Variants in KIAA2012 observed in about 807,000 individuals in gnomAD.
KIAA2012 encodes KIAA2012, also known as uncharacterized protein KIAA2012.
KIAA2012 carries 125 observed loss-of-function variants against 150.6 expected under a neutral mutation model. The ratio of observed to expected loss-of-function variants is 0.83; its 90% confidence interval spans 0.72 to 0.96. The LOEUF is 0.96. Among genes scored for constraint, KIAA2012 ranks in the 40% least tolerant of loss-of-function variants. The pLI is 0.00. For synonymous variants in KIAA2012, 462 were observed against 504.7 expected, an observed-to-expected ratio of 0.92 and a Z score of 1.13; for missense variants, 1,219 against 1,354.9, an observed-to-expected ratio of 0.90 and a Z score of 1.57.
At chr2:202,085,348 G>T (rs750525791) in intron 2 of KIAA2012, among the ~76,000 whole-genome samples, 6 of 152,142 alleles carry the variant, frequency 3.9e-5, no homozygotes, top group Non-Finnish European at 4.4e-5. Flanking sequence ...CTCGAAATGG[G>T]GATATTATCT....
intron 14 of KIAA2012, among the ~76,000 whole-genome samples, chr2:202,155,691 G>A (rs377401507): frequency 3.0e-4 from 46 of 152,332 alleles, no homozygotes; most frequent in African/African-American, 1.1e-3. Context: ...GCATGATGGT[G>A]GCTCTATCTA....
At chr2:202,150,290 C>G (rs2105950157) in intron 13 of KIAA2012, among the ~76,000 whole-genome samples, 2 of 152,284 alleles carry the variant, frequency 1.3e-5, no homozygotes, top group South Asian at 2.1e-4. Context: ...GAAAGGCTTC[C>G]AGGTGTTTTT....
intron 12 of KIAA2012, among the ~76,000 whole-genome samples, chr2:202,128,438 GGT>G (rs779739860): frequency 0.029 from 3,123 of 106,542 alleles, 43 homozygotes; most frequent in Non-Finnish European, 0.036. Context: ...TCTTTTTGGG[GGT>G]TTTTTTTTTT....
chr2:202,176,581 C>T (rs1413328073), intron 15 of KIAA2012, among the ~76,000 whole-genome samples: 3 of 152,170 alleles, frequency 2.0e-5, no homozygotes, highest in African/African-American at 7.2e-5. Flanking sequence ...AAGGAGATAC[C>T]TGCAATGCAT....
chr2:202,182,805 T>C (rs969728211), intron 15 of KIAA2012, among the ~76,000 whole-genome samples: 4 of 152,220 alleles, frequency 2.6e-5, no homozygotes, highest in Admixed American at 2.6e-4. Context: ...AGAGTTCCAG[T>C]TCCTCCACAT....
chr2:202,113,670 G>C (rs1690441714), intron 11 of KIAA2012: 3 of 526,172 alleles, frequency 5.7e-6, no homozygotes. Context: ...GGAGAGAGAA[G>C]TTCCAGTGGA....
chr2:202,163,781 A>ATTTTT (rs902559663), intron 14 of KIAA2012, among the ~76,000 whole-genome samples: 5 of 106,384 alleles, frequency 4.7e-5, no homozygotes, highest in Non-Finnish European at 7.5e-5. Flanking sequence ...TATTCAGGGA[A>ATTTTT]TTTTTTTTTT....
intron 8 of KIAA2012, among the ~76,000 whole-genome samples, chr2:202,105,501 G>C (rs1042752376): frequency 1.3e-5 from 2 of 152,166 alleles, no homozygotes; most frequent in East Asian, 1.9e-4. Context: ...CCTCTTAAAA[G>C]CTCTTGCAAA....
chr2:202,163,368 C>G (rs1348723168), intron 14 of KIAA2012, among the ~76,000 whole-genome samples: 3 of 152,134 alleles, frequency 2.0e-5, no homozygotes, highest in Non-Finnish European at 4.4e-5. Flanking sequence ...TCCCAAAGTG[C>G]TGGGATTACA....
chr2:202,189,295 CTT>C (rs767226517), intron 18 of KIAA2012, among the ~76,000 whole-genome samples: 11 of 143,294 alleles, frequency 7.7e-5, no homozygotes, highest in Admixed American at 1.4e-4. Context: ...GAAATAGAAC[CTT>C]TTTTTTTTTT....
intron 13 of KIAA2012, among the ~76,000 whole-genome samples, chr2:202,153,370 T>C (rs1691466957): frequency 6.6e-6 from 1 of 152,132 alleles, no homozygotes; most frequent in Non-Finnish European, 1.5e-5. Context: ...ACTTGAAAGA[T>C]GAAGAAGAGT....
At chr2:202,187,148 A>G (rs1272160048) in intron 17 of KIAA2012, 50 bp downstream of exon 17, 9 of 1,506,734 alleles carry the variant, frequency 6.0e-6, no homozygotes, top group Non-Finnish European at 8.1e-6. Context: ...CTTGGATCTC[A>G]TCAAGGATAC....
intron 3 of KIAA2012, among the ~76,000 whole-genome samples, chr2:202,091,274 A>C (rs910646440): frequency 1.3e-5 from 2 of 152,206 alleles, no homozygotes; most frequent in African/African-American, 2.4e-5. Flanking sequence ...AAGGAAGAAG[A>C]AGCCCAGAGA....
At position 202,130,120 on chromosome 2, in the gene KIAA2012, G is replaced by A. The variant is rs562904034; in HGVS notation, c.1831+4838G>A. Reference sequence around the variant, plus strand: ...AAAGCTGACTGCTGGGACTCGTGATGGAAGTAAGAGAAAGTGAAGTGGTCT... The same window carrying A: ...AAAGCTGACTGCTGGGACTCGTGATAGAAGTAAGAGAAAGTGAAGTGGTCT... On this transcript the variant is annotated intron_variant, in intron 12 of 23. Coordinates refer to ENST00000498697, the MANE Select transcript of KIAA2012 (RefSeq NM_001277372.4). Among the ~76,000 whole-genome samples, 7 of 152,316 alleles carry A rather than the reference G, an allele frequency of 4.6e-5. No individual in the cohort carries two copies. The South Asian group carries it at 1.5e-3, about 32-fold the overall frequency.
intron 4 of KIAA2012, among the ~76,000 whole-genome samples, chr2:202,096,498 G>A (rs1473313127): frequency 6.6e-6 from 1 of 152,214 alleles, no homozygotes; most frequent in Non-Finnish European, 1.5e-5. Flanking sequence ...AGAGCTGGAG[G>A]GAGGGAGTAG....
intron 12 of KIAA2012, among the ~76,000 whole-genome samples, chr2:202,127,005 C>T (rs1366700078): frequency 6.6e-6 from 1 of 152,066 alleles, no homozygotes; most frequent in South Asian, 2.1e-4. Flanking sequence ...GTCCAACCTC[C>T]GTTTCCCCCT....
At chr2:202,182,452 T>G (rs988677062) in intron 15 of KIAA2012, among the ~76,000 whole-genome samples, 1 of 152,134 alleles carries the variant, frequency 6.6e-6, no homozygotes, top group Non-Finnish European at 1.5e-5. Context: ...TCACTCAACA[T>G]AATTATTTTG....
Position 202,153,871 on chromosome 2 carries a change from A to G in KIAA2012, c.1909-802A>G, listed in dbSNP as rs552285394. Among the ~76,000 whole-genome samples the G allele has an allele frequency of 3.0e-4, 45 of 152,354 alleles. 2 individuals are homozygous for G. In the South Asian group the frequency reaches 8.7e-3, roughly 29 times the overall value. On this transcript the variant is annotated intron_variant, in intron 13 of 23. Transcript: ENST00000498697. ...ATCCAGGGCCAGGCAGGAAGGGCTT[A>G]TAAACCTTGTAAGCCAGTTGGCCTT...
intron 13 of KIAA2012, among the ~76,000 whole-genome samples, chr2:202,148,983 C>T (rs930215263): frequency 6.6e-6 from 1 of 152,196 alleles, no homozygotes; most frequent in Non-Finnish European, 1.5e-5. Context: ...CTTTTAGGTC[C>T]GCAGGCTGCC....
Sources: allele counts gnomAD v4.1 joint callset (sites outside exome capture counted in the v4.1 genomes callset), GRCh38; gene constraint gnomAD v4.1.1; transcripts MANE v1.5; gene names NCBI Gene and HGNC (gene_info 2026-07-23, HGNC 2026-07-21).